Variants in LINGO1 observed in about 807,000 individuals in gnomAD.
LINGO1 encodes the protein leucine-rich repeat and immunoglobulin-like domain-containing nogo receptor-interacting protein 1.
LINGO1 carries 11 observed loss-of-function variants against 37.3 expected under a neutral mutation model. That is an observed-to-expected ratio of 0.29 (90% CI 0.19 to 0.49). The LOEUF is 0.49. Ranked by LOEUF, LINGO1 falls within the 20% of genes least tolerant of loss-of-function variation. LINGO1 has a pLI of 0.99. For missense variants in LINGO1, 585 were observed against 878.2 expected, an observed-to-expected ratio of 0.67 and a Z score of 4.22; for synonymous variants, 387 against 403.0, an observed-to-expected ratio of 0.96 and a Z score of 0.48.
intron 1 of LINGO1, among the ~76,000 whole-genome samples, chr15:77,630,557 A>G (rs2074224951): frequency 6.6e-6 from 1 of 152,046 alleles, no homozygotes; most frequent in African/African-American, 2.4e-5. Flanking sequence ...AAAGAGGACT[A>G]TCGCAAGGGG....
At chr15:77,747,555 G>C (rs2076326469) in intron 1 of LINGO1, among the ~76,000 whole-genome samples, 1 of 152,172 alleles carries the variant, frequency 6.6e-6, no homozygotes, top group South Asian at 2.1e-4. Context: ...TCCCAGTCTG[G>C]GCTTCTAGGA....
intron 2 of LINGO1, among the ~76,000 whole-genome samples, chr15:77,712,311 G>T (rs1349331884): frequency 2.0e-5 from 3 of 150,822 alleles, no homozygotes; most frequent in African/African-American, 7.3e-5. Flanking sequence ...CGAGACCTTC[G>T]CACCTCACCT....
intron 3 of LINGO1, among the ~76,000 whole-genome samples, chr15:77,656,777 G>A (rs780299543): frequency 6.6e-6 from 1 of 152,346 alleles, no homozygotes; most frequent in East Asian, 1.9e-4. Flanking sequence ...CATGATACAT[G>A]CCCTGGACTT....
At chr15:77,781,282 TCAGCCAGGCCGGAGC>T (rs1158731830) in intron 1 of LINGO1, among the ~76,000 whole-genome samples, 1 of 152,102 alleles carries the variant, frequency 6.6e-6, no homozygotes, top group African/African-American at 2.4e-5. Flanking sequence ...CAAAGGTAAC[TCAGCCAGGCCGGAGC>T]CAGCCAGGAA....
Position 77,683,472 on chromosome 15 carries a change from A to G in LINGO1, c.-98-6298T>C, listed in dbSNP as rs2075451132. 2.0e-5 allele frequency among the ~76,000 whole-genome samples: 3 copies of G among 152,300 alleles called. No homozygotes were observed. The South Asian group carries it at 6.2e-4, about 32-fold the overall frequency. ...TGGAAGACAATCTAAATATCCATCA[A>G]TCCAGGACTAGTTACATAAATTATG... On this transcript the variant is annotated intron_variant, in intron 2 of 3. Transcript: ENST00000559893.
chr15:77,628,017 C>T (rs1567467109), intron 1 of LINGO1, among the ~76,000 whole-genome samples: 1 of 152,220 alleles, frequency 6.6e-6, no homozygotes, highest in Non-Finnish European at 1.5e-5. Context: ...GAAATACCAT[C>T]TTACATTCAT....
chr15:77,715,082 A>G (rs1489315007), intron 2 of LINGO1, among the ~76,000 whole-genome samples: 3 of 152,174 alleles, frequency 2.0e-5, no homozygotes, highest in Middle Eastern at 3.2e-3. Context: ...CTTGGGTCTG[A>G]GCCCACCTGA....
intron 1 of LINGO1, among the ~76,000 whole-genome samples, chr15:77,814,533 G>C (rs144541819): frequency 1.3e-5 from 2 of 152,310 alleles, no homozygotes; most frequent in African/African-American, 4.8e-5. Flanking sequence ...TTCCTGCAGA[G>C]GGCAAAACAT....
intron 1 of LINGO1, among the ~76,000 whole-genome samples, chr15:77,617,668 G>C (rs2073775645): frequency 6.6e-6 from 1 of 152,232 alleles, no homozygotes; most frequent in African/African-American, 2.4e-5. Flanking sequence ...CAGCCATTAA[G>C]GCAACTGAGG....
chr15:77,613,916 C>G lies in LINGO1; in HGVS notation c.*128G>C. The G allele has an allele frequency of 1.3e-6, 1 of 794,916 alleles. No homozygotes were observed. The highest frequency in any genetic ancestry group is 2.8e-5 in the Admixed American group (1 of 35,102). The allele number at this position is 794,916 out of a possible 1,614,324, so 49.2% of individuals were successfully genotyped here. ...GGCGGGGGGCAGCAGGGGACGGAGGCGGGAGGGAGAAAGAGAACGTGTGTA... is the reference window on the plus strand; with the variant it reads ...GGCGGGGGGCAGCAGGGGACGGAGGGGGGAGGGAGAAAGAGAACGTGTGTA... On this transcript the variant is annotated 3_prime_UTR_variant, in exon 2 of 2. Coordinates refer to ENST00000355300, the MANE Select transcript of LINGO1 (RefSeq NM_032808.7).
chr15:77,773,462 C>T (rs2076605743), intron 1 of LINGO1, among the ~76,000 whole-genome samples: 1 of 152,146 alleles, frequency 6.6e-6, no homozygotes, highest in Non-Finnish European at 1.5e-5. Flanking sequence ...AGTTAGGTGA[C>T]AGCTAGTAGG....
intron 2 of LINGO1, among the ~76,000 whole-genome samples, chr15:77,708,970 T>C (rs1260687807): frequency 6.6e-6 from 1 of 152,056 alleles, no homozygotes; most frequent in Non-Finnish European, 1.5e-5. Context: ...GGAGGCCACA[T>C]GAAGATGGAG....
intron 1 of LINGO1, among the ~76,000 whole-genome samples, chr15:77,616,850 C>T (rs2867313): frequency 0.013 from 2,019 of 152,324 alleles, 48 homozygotes; most frequent in African/African-American, 0.045. Context: ...GTCCGCTGCT[C>T]TAAGAAGTGT....
chr15:77,643,640 C>G (rs1465737234), intron 3 of LINGO1, among the ~76,000 whole-genome samples: 1 of 152,174 alleles, frequency 6.6e-6, no homozygotes, highest in African/African-American at 2.4e-5. Flanking sequence ...ACTCCCTCAT[C>G]ACAGGGGTGG....
chr15:77,717,743 G>A (rs1363697893), intron 2 of LINGO1, among the ~76,000 whole-genome samples: 5 of 150,648 alleles, frequency 3.3e-5, no homozygotes, highest in Non-Finnish European at 7.4e-5. Flanking sequence ...GCACAGGAGG[G>A]AGCCTCAGCA....
At chr15:77,813,018 T>C (rs1682215358) in intron 1 of LINGO1, among the ~76,000 whole-genome samples, 2 of 152,202 alleles carry the variant, frequency 1.3e-5, no homozygotes, top group South Asian at 2.1e-4. Context: ...ATCAGCCTAG[T>C]TGGCCCCCAG....
In LINGO1 at chr15:77,672,156, C is replaced by G. The variant is rs1341466739; in HGVS notation, c.-13+4933G>C. 2.6e-5 allele frequency among the ~76,000 whole-genome samples: 4 copies of G among 151,518 alleles called. No individual in the cohort carries two copies. In the East Asian group the frequency reaches 7.8e-4, roughly 29 times the overall value. On this transcript the variant is annotated intron_variant, in intron 3 of 3. Coordinates refer to the LINGO1 transcript ENST00000559893. ...CCACTCCTCTCCCCACCCCGACCCC[C>G]ACAGTGCTCGCTCCCCAGCTCTCCC...
chr15:77,740,400 C>G (rs1341822958), intron 1 of LINGO1, among the ~76,000 whole-genome samples: 1 of 152,204 alleles, frequency 6.6e-6, no homozygotes, highest in African/African-American at 2.4e-5. Flanking sequence ...TGTCTGCCCC[C>G]AAGACCCTCT....
chr15:77,806,893 G>A (rs1432298496), intron 1 of LINGO1, among the ~76,000 whole-genome samples: 5 of 152,096 alleles, frequency 3.3e-5, no homozygotes, highest in African/African-American at 1.2e-4. Context: ...TATGGAGCCA[G>A]AGGGATCTTC....
Sources: allele counts gnomAD v4.1 joint callset (sites outside exome capture counted in the v4.1 genomes callset), GRCh38; gene constraint gnomAD v4.1.1; transcripts MANE v1.5; gene names NCBI Gene and HGNC (gene_info 2026-07-23, HGNC 2026-07-21).